The following SLC45A1 variants were observed in gnomAD, a reference collection of about 807,000 sequenced individuals.
SLC45A1 encodes the protein solute carrier family 45 member 1.
Under a neutral mutation model 57.6 loss-of-function variants are expected in SLC45A1, and 28 were observed. The ratio of observed to expected loss-of-function variants is 0.49; its 90% CI spans 0.36 to 0.67. SLC45A1 has a LOEUF of 0.67. SLC45A1 is among the 30% of genes least tolerant of loss of function. SLC45A1 has a pLI of 0.00. For synonymous variants in SLC45A1, 459 were observed against 471.5 expected (o/e 0.97, Z 0.34); for missense variants, 814 against 1,041.5 (o/e 0.78, Z 3.01).
chr1:8,323,638 A>G (rs1204996338), intron 1 of SLC45A1, among the ~76,000 whole-genome samples: 1 of 152,076 alleles, frequency 6.6e-6, no homozygotes, highest in Non-Finnish European at 1.5e-5. Flanking sequence ...ATTTTCGAAC[A>G]CTGTCAAAGC....
chr1:8,320,706 C>CT (rs1639984803), intron 1 of SLC45A1, among the ~76,000 whole-genome samples: 2 of 147,704 alleles, frequency 1.4e-5, no homozygotes, highest in African/African-American at 5.3e-5. Flanking sequence ...CACACACACA[C>CT]ACACACACAC....
At chr1:8,329,602 T>C (rs1450051848) in intron 4 of SLC45A1, among the ~76,000 whole-genome samples, 5 of 152,258 alleles carry the variant, frequency 3.3e-5, no homozygotes, top group Non-Finnish European at 4.4e-5. Context: ...AGGGCTGGGC[T>C]GGCCGGTGCC....
At chr1:8,322,015 A>G (rs1395584710) in intron 1 of SLC45A1, among the ~76,000 whole-genome samples, 11 of 35,148 alleles carry the variant, frequency 3.1e-4, no homozygotes, top group East Asian at 2.1e-3. Context: ...GGATGGATGG[A>G]TGGATGGATG....
At chr1:8,334,245 A>C (rs1023066471) in intron 5 of SLC45A1, among the ~76,000 whole-genome samples, 2 of 152,246 alleles carry the variant, frequency 1.3e-5, no homozygotes, top group Admixed American at 1.3e-4. Flanking sequence ...AAACGCATCC[A>C]GGCTCAACGG....
rs1220431199 is a variant in SLC45A1 at position 8,324,704 on chromosome 1, G to A, written c.375G>A (p.Val125=). The A allele has an allele frequency of 1.3e-6, 2 of 1,593,490 alleles. No individual in the cohort carries two copies. The highest frequency in any genetic ancestry group is 1.7e-6 in the Non-Finnish European group (2 of 1,169,758). Residue 125 remains valine (V), a synonymous_variant, in exon 2 of 9, where the codon GTG becomes GTA. Transcript: ENST00000471889. ...MGLPDQLYSL[V]WFISPILGFL... ...TGCCCGACCAGCTCTACAGCCTGGT[G>A]TGGTTCATCAGCCCCATCCTCGGTG... is the stretch of plus-strand genomic sequence containing the variant.
intron 1 of SLC45A1, among the ~76,000 whole-genome samples, chr1:8,322,168 TG>T (rs1640040212): frequency 7.1e-6 from 1 of 139,986 alleles, no homozygotes; most frequent in East Asian, 2.1e-4. Flanking sequence ...GTTACATGGA[TG>T]GATGGGTGGG....
intron 6 of SLC45A1, among the ~76,000 whole-genome samples, chr1:8,336,665 C>T (rs1640620082): frequency 6.6e-6 from 1 of 152,100 alleles, no homozygotes; most frequent in Non-Finnish European, 1.5e-5. Context: ...TAGAGATGTC[C>T]AACAGTTGGG....
intron 5 of SLC45A1, among the ~76,000 whole-genome samples, chr1:8,331,225 T>C (rs1640397271): frequency 6.6e-6 from 1 of 151,998 alleles, no homozygotes; most frequent in Non-Finnish European, 1.5e-5. Context: ...TTTAGTATTT[T>C]AGTATTTTTA....
At chr1:8,340,276 C>T (rs1640768836) in intron 8 of SLC45A1, among the ~76,000 whole-genome samples, 1 of 151,798 alleles carries the variant, frequency 6.6e-6, no homozygotes, top group Non-Finnish European at 1.5e-5. Flanking sequence ...GGTCCTCCTG[C>T]CTCAGCCTCC....
chr1:8,335,493 C>A lies in SLC45A1; in HGVS notation c.1500C>A (p.Ser500Arg). 1.2e-6 allele frequency: 2 copies of A among 1,602,412 alleles called. No homozygotes were observed. Among genetic ancestry groups the A allele is most frequent in the East Asian group, 2.2e-5 (1 of 44,852 alleles). ...VKYESELTGS[S>R]ERAEQPLSVG... Reference sequence around the variant, plus strand: ...ATGAGAGCGAGCTGACGGGCTCCAGCGAGCGCGCGGAGCAGCCTCTGTCCG... The same window carrying A: ...ATGAGAGCGAGCTGACGGGCTCCAGAGAGCGCGCGGAGCAGCCTCTGTCCG... The change falls in exon 6 of 9, where the codon AGC (serine) becomes AGA (arginine). Residue 500 changes from serine (S) to arginine (R), a missense_variant. Transcript: ENST00000471889. The surrounding 1 kb of genome is among the most constrained non-coding windows in gnomAD (Gnocchi z 4.1).
intron 1 of SLC45A1, among the ~76,000 whole-genome samples, chr1:8,322,312 A>G (rs755182209): frequency 0.016 from 28 of 1,776 alleles, 12 homozygotes; most frequent in African/African-American, 0.036. Context: ...GGATGGATGG[A>G]TGGATGGATG....
At position 8,339,695 on chromosome 1, in the gene SLC45A1, GA is replaced by G; in HGVS notation, c.1979del (p.Lys660SerfsTer21). The part of the protein sequence containing the change: ...SLLCDYYQSK[K>X]FAGSSADGTR... ...TGCTCTGCGATTACTATCAGAGTAA[GA>G]AGGTAAGTGCTCTCCCTTGTCTTGC... is the stretch of plus-strand genomic sequence containing the variant. On this transcript the variant is annotated frameshift_variant and splice_region_variant, in exon 8 of 9. Coordinates refer to ENST00000471889, the MANE Select transcript of SLC45A1 (RefSeq NM_001080397.3). LOFTEE classifies it high-confidence loss of function. 6.2e-7 allele frequency: 1 copy of G among 1,613,836 alleles called. No individual in the cohort carries two copies. Among genetic ancestry groups the G allele is most frequent in the Non-Finnish European group, 8.5e-7 (1 of 1,179,704 alleles).
intron 6 of SLC45A1, among the ~76,000 whole-genome samples, chr1:8,336,442 G>A (rs991566075): frequency 4.0e-5 from 6 of 151,694 alleles, no homozygotes; most frequent in Non-Finnish European, 8.8e-5. Flanking sequence ...GAGATAATCT[G>A]GGGCTCTCAT....
At position 8,330,898 on chromosome 1, in the gene SLC45A1, G is replaced by A. The variant is rs535344724; in HGVS notation, c.1405G>A (p.Glu469Lys). ...IPDAAGGGGP[E>K]TSRRRNVTFS... ...GGACGCAGCCGGAGGAGGGGGTCCCGAAACCAGCAGGAGAAGGAATGTGAC... is the reference window on the plus strand; with the variant it reads ...GGACGCAGCCGGAGGAGGGGGTCCCAAAACCAGCAGGAGAAGGAATGTGAC... Residue 469 changes from glutamate to lysine, a missense_variant, in exon 5 of 9, where the codon GAA (glutamate) becomes AAA (lysine). Coordinates refer to ENST00000471889, the MANE Select transcript of SLC45A1 (RefSeq NM_001080397.3). The surrounding 1 kb of genome is among the most constrained non-coding windows in gnomAD (Gnocchi z 8.4). 30 of 1,601,400 alleles carry A rather than the reference G, an allele frequency of 1.9e-5. No individual in the cohort carries two copies. Among genetic ancestry groups the A allele is most frequent in the Admixed American group, 3.4e-5 (2 of 59,548 alleles).
intron 1 of SLC45A1, among the ~76,000 whole-genome samples, chr1:8,318,549 G>C (rs962782618): frequency 1.3e-5 from 2 of 152,188 alleles, no homozygotes; most frequent in African/African-American, 4.8e-5. Flanking sequence ...CACCTCTTGC[G>C]TGGGGCTGAG....
Position 8,344,083 on chromosome 1 carries a change from C to A in SLC45A1, c.*70C>A, listed in dbSNP as rs1640925987. ...CTGGAGCAGGCCGACCAGTGAGGAC[C>A]AAAGGGCCTTGTTGGACAGGGGGAC... On this transcript the variant is annotated 3_prime_UTR_variant, in exon 9 of 9. Transcript: ENST00000471889. 2.1e-6 allele frequency: 3 copies of A among 1,450,324 alleles called. No homozygotes were observed. Among genetic ancestry groups the A allele is most frequent in the South Asian group, 1.3e-5 (1 of 76,096 alleles). 89.8% of individuals were successfully genotyped at this position (1,450,324 alleles called of 1,614,324 possible).
At chr1:8,341,055 G>T (rs1225841169) in intron 8 of SLC45A1, among the ~76,000 whole-genome samples, 2 of 152,006 alleles carry the variant, frequency 1.3e-5, no homozygotes, top group Non-Finnish European at 2.9e-5. Context: ...AGCTGGGCAT[G>T]GTGGCGCGTG....
At chr1:8,324,104 T>A (rs1434561775) in intron 1 of SLC45A1, among the ~76,000 whole-genome samples, 1 of 151,902 alleles carries the variant, frequency 6.6e-6, no homozygotes, top group Non-Finnish European at 1.5e-5. Context: ...TCTCTCTGAG[T>A]AGGGAAGGCA....
rs866211366 is a variant in SLC45A1 at position 8,343,512 on chromosome 1, G to A, written c.1981-235G>A. On this transcript the variant is annotated intron_variant, in intron 8 of 8. Coordinates refer to ENST00000471889, the MANE Select transcript of SLC45A1 (RefSeq NM_001080397.3). This position sits in a 1 kb window ranked among gnomAD's most constrained non-coding sequence, Gnocchi z 7.7. ...AAAGTGTCTCCCGCCACCTCGGCCC[G>A]TGGGAGCTCAGCCCTCTGCCCCATT... Among the ~76,000 whole-genome samples, 48 of 152,288 alleles carry A rather than the reference G, an allele frequency of 3.2e-4. No homozygotes were observed. The Middle Eastern group carries it at 0.01, about 32-fold the overall frequency.
Sources: gnomAD v4.1 joint callset for allele counts (sites outside exome capture counted in the v4.1 genomes callset) on GRCh38, gnomAD v4.1.1 for gene constraint, Gnocchi (gnomAD v3.1) non-coding constraint, MANE v1.5 for transcripts, NCBI Gene and HGNC (gene_info 2026-07-23, HGNC 2026-07-21) for gene names.